The following ARHGAP26 variants were observed in gnomAD, a reference collection of about 807,000 sequenced individuals.
ARHGAP26 encodes rho GTPase-activating protein 26.
In ARHGAP26, 38 loss-of-function variants were observed where a neutral mutation model predicts 104.8. That is an observed-to-expected ratio of 0.36 (90% CI 0.28 to 0.48). ARHGAP26 has a LOEUF of 0.48. Among genes scored for constraint, ARHGAP26 ranks in the 20% least tolerant of loss-of-function variants. The pLI is 0.99. For synonymous variants in ARHGAP26, 341 were observed against 340.0 expected, an observed-to-expected ratio of 1.00 and a Z score of -0.03; for missense variants, 704 against 947.9, an observed-to-expected ratio of 0.74 and a Z score of 3.38.
At chr5:143,220,934 G>T (rs998036407) in intron 22 of ARHGAP26, among the ~76,000 whole-genome samples, 1 of 152,144 alleles carries the variant, frequency 6.6e-6, no homozygotes, top group Non-Finnish European at 1.5e-5. Flanking sequence ...GTGTCGGAGC[G>T]GAAATGCTTT....
intron 11 of ARHGAP26, among the ~76,000 whole-genome samples, chr5:143,013,353 C>G (rs1395353682): frequency 6.6e-6 from 1 of 152,068 alleles, no homozygotes; most frequent in Non-Finnish European, 1.5e-5. Flanking sequence ...AATGTCTGAC[C>G]CGTTGCAGGA....
At chr5:143,155,194 G>A (rs1482649150) in intron 20 of ARHGAP26, among the ~76,000 whole-genome samples, 2 of 152,170 alleles carry the variant, frequency 1.3e-5, no homozygotes, top group Non-Finnish European at 1.5e-5. Context: ...GCTCCCCACA[G>A]TGCCCTTGGG....
At chr5:142,797,564 G>C (rs990447795) in intron 1 of ARHGAP26, among the ~76,000 whole-genome samples, 2 of 152,170 alleles carry the variant, frequency 1.3e-5, no homozygotes, top group Non-Finnish European at 2.9e-5. Flanking sequence ...CTCACCCTAC[G>C]TGGTTGCTTT....
chr5:143,021,396 G>T (rs1780312608), intron 12 of ARHGAP26, among the ~76,000 whole-genome samples: 1 of 152,162 alleles, frequency 6.6e-6, no homozygotes, highest in African/African-American at 2.4e-5. Context: ...CTCTTTCCAG[G>T]TTTTTGGTAT....
intron 17 of ARHGAP26, among the ~76,000 whole-genome samples, chr5:143,077,295 TTGGAACAGCTTGGCTGAAGACC>T (rs1789177959): frequency 6.6e-6 from 1 of 152,040 alleles, no homozygotes. Flanking sequence ...AGGCCAAGAA[TTGGAACAGCTTGGCTGAAGACC>T]TGGAATATCA....
At chr5:143,145,317 T>G (rs1262795698) in intron 19 of ARHGAP26, among the ~76,000 whole-genome samples, 1 of 152,226 alleles carries the variant, frequency 6.6e-6, no homozygotes, top group African/African-American at 2.4e-5. Context: ...CTTAGCCCTT[T>G]AAGCTTCTCA....
intron 1 of ARHGAP26, chr5:142,772,611 G>T: frequency 2.4e-6 from 1 of 423,148 alleles, no homozygotes; most frequent in Non-Finnish European, 4.7e-6. Flanking sequence ...TATCTCATGT[G>T]CTTAGATTCA....
At chr5:142,853,224 G>A (rs557970612) in intron 1 of ARHGAP26, among the ~76,000 whole-genome samples, 32 of 151,792 alleles carry the variant, frequency 2.1e-4, no homozygotes, top group South Asian at 1.0e-3. Context: ...TTCTTTTGTC[G>A]CCTAGGCTGG....
At chr5:142,839,858 G>A (rs940709091) in intron 1 of ARHGAP26, among the ~76,000 whole-genome samples, 3 of 149,756 alleles carry the variant, frequency 2.0e-5, no homozygotes, top group African/African-American at 7.4e-5. Flanking sequence ...AATTTTGTGT[G>A]CTGTCCAGTT....
intron 1 of ARHGAP26, among the ~76,000 whole-genome samples, chr5:142,784,340 C>T (rs1420737092): frequency 1.3e-5 from 2 of 152,180 alleles, no homozygotes; most frequent in Non-Finnish European, 2.9e-5. Context: ...TCTCCCCCAC[C>T]TCTCCTGGCC....
rs74702486 is a variant in ARHGAP26, at chr5:142,843,532, T to G, written c.155-29868T>G. Among the ~76,000 whole-genome samples, 1,257 of 152,352 alleles carry G rather than the reference T, an allele frequency of 8.3e-3. 17 individuals are homozygous for G. Among genetic ancestry groups the G allele is most frequent in the African/African-American group, 0.029 (1,200 of 41,580 alleles). ...ACCCACGTGCTTTGCACATTTTGCC[T>G]CCTTTTAATCTCAGTGACATACCTA... On this transcript the variant is annotated intron_variant, in intron 1 of 22. Transcript: ENST00000645722.
intron 5 of ARHGAP26, among the ~76,000 whole-genome samples, chr5:142,891,061 G>T (rs1384666859): frequency 6.6e-6 from 1 of 151,964 alleles, no homozygotes; most frequent in Non-Finnish European, 1.5e-5. Context: ...GCTTTGAGGT[G>T]TGTGGGGTGG....
At chr5:142,892,601 T>C (rs1010830636) in intron 5 of ARHGAP26, among the ~76,000 whole-genome samples, 1 of 151,930 alleles carries the variant, frequency 6.6e-6, no homozygotes, top group African/African-American at 2.4e-5. Flanking sequence ...ATTATTCTTA[T>C]TTCTGTTTGG....
intron 11 of ARHGAP26, among the ~76,000 whole-genome samples, chr5:142,953,902 G>A (rs974576692): frequency 6.6e-6 from 1 of 152,146 alleles, no homozygotes; most frequent in African/African-American, 2.4e-5. Context: ...GGTTGACATC[G>A]TCCATTTGGG....
At chr5:142,882,942 C>G (rs987816593) in intron 4 of ARHGAP26, among the ~76,000 whole-genome samples, 5 of 152,160 alleles carry the variant, frequency 3.3e-5, no homozygotes, top group African/African-American at 1.2e-4. Context: ...AGGATTCTAA[C>G]TCAATCCTTG....
chr5:143,140,876 C>G (rs1011108905), intron 19 of ARHGAP26, among the ~76,000 whole-genome samples: 2 of 152,178 alleles, frequency 1.3e-5, no homozygotes, highest in Non-Finnish European at 2.9e-5. Flanking sequence ...CCCAGACAGG[C>G]CCAGTGAGAG....
intron 1 of ARHGAP26, among the ~76,000 whole-genome samples, chr5:142,869,520 C>G (rs972732122): frequency 1.4e-4 from 21 of 152,124 alleles, no homozygotes; most frequent in African/African-American, 4.8e-4. Flanking sequence ...AAAGATGTGA[C>G]TGAGCAGCAA....
At chr5:143,018,320 A>G (rs1289874251) in intron 12 of ARHGAP26, among the ~76,000 whole-genome samples, 1 of 152,206 alleles carries the variant, frequency 6.6e-6, no homozygotes. Context: ...TCCTTCTTTG[A>G]CTATAAATCC....
chr5:142,993,525 G>A (rs531201322), intron 11 of ARHGAP26, among the ~76,000 whole-genome samples: 12 of 152,162 alleles, frequency 7.9e-5, no homozygotes, highest in African/African-American at 1.4e-4. Flanking sequence ...GGCTGGTCTC[G>A]AATTCCTGAC....
Sources: gnomAD v4.1 joint callset for allele counts (sites outside exome capture counted in the v4.1 genomes callset) on GRCh38, gnomAD v4.1.1 for gene constraint, MANE v1.5 for transcripts, NCBI Gene and HGNC (gene_info 2026-07-23, HGNC 2026-07-21) for gene names.